The following KCTD20 variants were observed in gnomAD, a reference collection of about 807,000 sequenced individuals.
KCTD20 encodes potassium channel tetramerization domain containing 20.
Under a neutral mutation model 39.6 loss-of-function variants are expected in KCTD20, and 30 were observed. The ratio of observed to expected loss-of-function variants is 0.76; its 90% CI spans 0.57 to 1.03. KCTD20 has a LOEUF of 1.03. Ranked by LOEUF, KCTD20 falls within the 50% of genes least tolerant of loss-of-function variation. The pLI, the probability that KCTD20 is intolerant of heterozygous loss-of-function variation, is 0.00. For synonymous variants in KCTD20, 162 were observed against 180.6 expected (o/e 0.90, Z 0.83); for missense variants, 422 against 522.0 (o/e 0.81, Z 1.87).
intron 6 of KCTD20, among the ~76,000 whole-genome samples, chr6:36,483,532 A>ACAGATAGAATCTTGCTCTTTCTC (rs1251488748): frequency 6.6e-6 from 1 of 152,032 alleles, no homozygotes; most frequent in Non-Finnish European, 1.5e-5. Context: ...AAATTTTTTT[A>ACAGATAGAATCTTGCTCTTTCTC]CAGATAGAAT....
At chr6:36,449,579 GTT>G (rs1775173747) in intron 1 of KCTD20, among the ~76,000 whole-genome samples, 15 of 152,178 alleles carry the variant, frequency 9.9e-5, no homozygotes, top group Admixed American at 8.5e-4. Flanking sequence ...AGGCAGAAAA[GTT>G]CTCCAATTGC....
intron 1 of KCTD20, among the ~76,000 whole-genome samples, chr6:36,455,775 G>A (rs62402186): frequency 0.019 from 2,872 of 152,302 alleles, 39 homozygotes; most frequent in Non-Finnish European, 0.027. Flanking sequence ...TCTGCAGGCA[G>A]AATTTCTTCT....
intron 3 of KCTD20, among the ~76,000 whole-genome samples, chr6:36,478,167 A>G (rs955844071): frequency 5.9e-5 from 9 of 152,102 alleles, no homozygotes; most frequent in African/African-American, 2.2e-4. Flanking sequence ...AACAGGCAAC[A>G]CTTCCCAGCA....
rs1299192329 is a variant in KCTD20 at position 36,460,423 on chromosome 6, C to A, written c.-46-9629C>A. ...GATTCCAGCGATTCTCCTGCCTCGG[C>A]CTCCCGAGTAGTTAGAACTACAGGT... is the stretch of plus-strand genomic sequence containing the variant. On this transcript the variant is annotated intron_variant, in intron 1 of 7. Transcript: ENST00000373731. 2.0e-5 allele frequency among the ~76,000 whole-genome samples: 3 copies of A among 152,160 alleles called. No individual in the cohort carries two copies. The East Asian group carries it at 5.8e-4, about 29-fold the overall frequency.
chr6:36,452,839 T>C (rs978824909), intron 1 of KCTD20, among the ~76,000 whole-genome samples: 1 of 151,676 alleles, frequency 6.6e-6, no homozygotes, highest in Non-Finnish European at 1.5e-5. Context: ...CCCAGCCTTA[T>C]TTTCTTTTTA....
intron 1 of KCTD20, among the ~76,000 whole-genome samples, chr6:36,448,789 C>A (rs931243798): frequency 3.3e-5 from 5 of 152,176 alleles, no homozygotes; most frequent in African/African-American, 7.2e-5. Context: ...GTGAGTGTTA[C>A]AATTCTTAAA....
chr6:36,488,166 CCTGTCCTAGTGCAGGACTTTTCTCTGT>C lies in KCTD20; in HGVS notation c.*992_*1018del, dbSNP rs1561963577. On this transcript the variant is annotated 3_prime_UTR_variant, in exon 8 of 8. Transcript: ENST00000373731. Reference sequence around the variant, plus strand: ...GGTGGGAAGCATCATCTGCACAGTCCCTGTCCTAGTGCAGGACTTTTCTCTGTATGTTTTCATACCATGGGATTTTTG... The same window carrying C: ...GGTGGGAAGCATCATCTGCACAGTCCATGTTTTCATACCATGGGATTTTTG... 1 of 152,190 alleles carries C rather than the reference CCTGTCCTAGTGCAGGACTTTTCTCTGT, an allele frequency of 6.6e-6. No homozygotes were observed. The highest frequency in any genetic ancestry group is 2.4e-5 in the African/African-American group (1 of 41,436). The allele number at this position is 152,190 out of a possible 1,614,324, so 9.4% of individuals were successfully genotyped here.
intron 6 of KCTD20, among the ~76,000 whole-genome samples, chr6:36,482,927 CAG>C (rs1158645043): frequency 7.6e-6 from 1 of 131,016 alleles, no homozygotes; most frequent in Non-Finnish European, 1.5e-5. Context: ...GCCTGAGTGA[CAG>C]AGCAAGACTA....
At chr6:36,449,383 A>G (rs949360242) in intron 1 of KCTD20, among the ~76,000 whole-genome samples, 8 of 151,322 alleles carry the variant, frequency 5.3e-5, no homozygotes, top group Admixed American at 5.3e-4. Context: ...CTAGACACAG[A>G]GCGCTGATTG....
chr6:36,477,429 T>A (rs1305464331), intron 3 of KCTD20, among the ~76,000 whole-genome samples: 1 of 152,152 alleles, frequency 6.6e-6, no homozygotes, highest in Admixed American at 6.5e-5. Context: ...ATGGAATTCT[T>A]ATGTGTGGTA....
intron 1 of KCTD20, among the ~76,000 whole-genome samples, chr6:36,465,179 C>G (rs569554986): frequency 6.6e-6 from 1 of 151,684 alleles, no homozygotes; most frequent in Non-Finnish European, 1.5e-5. Flanking sequence ...GCCTGTAATC[C>G]CAGTTACTCA....
intron 1 of KCTD20, among the ~76,000 whole-genome samples, chr6:36,459,315 A>G (rs547557154): frequency 5.2e-4 from 79 of 152,362 alleles, no homozygotes; most frequent in African/African-American, 1.7e-3. Context: ...CGTCTCAAAA[A>G]AAAAGAAAAA....
At chr6:36,480,666 A>G (rs908091260) in intron 5 of KCTD20, among the ~76,000 whole-genome samples, 2 of 151,968 alleles carry the variant, frequency 1.3e-5, no homozygotes, top group Non-Finnish European at 2.9e-5. Flanking sequence ...GATTCAAGCA[A>G]TTCTCCTGCC....
rs185788211 is a variant in KCTD20 at position 36,467,079 on chromosome 6, G to A, written c.-46-2973G>A. 2.1e-3 allele frequency among the ~76,000 whole-genome samples: 324 copies of A among 151,942 alleles called. 1 individual carries two copies. The highest frequency in any genetic ancestry group is 7.3e-3 in the African/African-American group (303 of 41,470). On this transcript the variant is annotated intron_variant, in intron 1 of 7. Transcript: ENST00000373731. Reference sequence around the variant, plus strand: ...TCCCAGCACTTTAGGAGGCCGAAGCGGGTGGATCACCTGAGGTCAGGAGTT... The same window carrying A: ...TCCCAGCACTTTAGGAGGCCGAAGCAGGTGGATCACCTGAGGTCAGGAGTT...
chr6:36,454,127 C>G (rs1266176345), intron 1 of KCTD20, among the ~76,000 whole-genome samples: 1 of 152,150 alleles, frequency 6.6e-6, no homozygotes. Context: ...AGTGTACTTG[C>G]AAAAGAATTA....
intron 5 of KCTD20, among the ~76,000 whole-genome samples, chr6:36,481,224 C>G (rs1172145625): frequency 6.6e-6 from 1 of 152,144 alleles, no homozygotes; most frequent in East Asian, 1.9e-4. Flanking sequence ...AATCAGGATC[C>G]AAACCATCTT....
chr6:36,450,887 T>G (rs1020655120), intron 1 of KCTD20: 1 of 152,206 alleles, frequency 6.6e-6, no homozygotes, highest in Non-Finnish European at 1.5e-5. Flanking sequence ...TTTTAAAAAT[T>G]TATTTTATCT....
intron 2 of KCTD20, among the ~76,000 whole-genome samples, 180 bp downstream of exon 2, chr6:36,470,437 G>T (rs1349967549): frequency 6.6e-6 from 1 of 152,128 alleles, no homozygotes; most frequent in Non-Finnish European, 1.5e-5. Flanking sequence ...AATCAGTCTA[G>T]CACATCTAAT....
intron 1 of KCTD20, chr6:36,451,050 G>T (rs1167166303): frequency 6.6e-6 from 1 of 152,182 alleles, no homozygotes; most frequent in Non-Finnish European, 1.5e-5. Context: ...AGGCATCCTG[G>T]TGGATCCCTG....
Sources: allele counts gnomAD v4.1 joint callset (sites outside exome capture counted in the v4.1 genomes callset), GRCh38; gene constraint gnomAD v4.1.1; transcripts MANE v1.5; gene names NCBI Gene and HGNC (gene_info 2026-07-23, HGNC 2026-07-21).